The following GALNTL6 variants were observed in gnomAD, a reference collection of about 807,000 sequenced individuals.
GALNTL6 encodes polypeptide N-acetylgalactosaminyltransferase like 6, also known as polypeptide N-acetylgalactosaminyltransferase-like 6.
Under a neutral mutation model 73.7 loss-of-function variants are expected in GALNTL6, and 46 were observed. The observed-to-expected ratio is 0.62, with a 90% confidence interval of 0.49 to 0.80. The LOEUF is 0.80. Ranked by LOEUF, GALNTL6 falls within the 30% of genes least tolerant of loss-of-function variation. GALNTL6 has a pLI of 0.00. For synonymous variants in GALNTL6, 259 were observed against 263.7 expected (o/e 0.98, Z 0.17); for missense variants, 604 against 755.0 (o/e 0.80, Z 2.34).
chr4:172,406,737 C>A (rs1269652657), intron 5 of GALNTL6, among the ~76,000 whole-genome samples: 3 of 151,960 alleles, frequency 2.0e-5, no homozygotes, highest in East Asian at 1.9e-4. Flanking sequence ...GGCCTCTATC[C>A]AATTTTGTAT....
At chr4:172,302,964 A>G (rs1274982499) in intron 3 of GALNTL6, among the ~76,000 whole-genome samples, 2 of 151,902 alleles carry the variant, frequency 1.3e-5, no homozygotes, top group Non-Finnish European at 2.9e-5. Flanking sequence ...TAGGTTTTAT[A>G]TTAGACATTC....
chr4:172,549,401 G>A (rs1046686231), intron 5 of GALNTL6, among the ~76,000 whole-genome samples: 6 of 152,070 alleles, frequency 3.9e-5, no homozygotes, highest in Non-Finnish European at 5.9e-5. Context: ...ACTGCCTAAC[G>A]TGTGCCTTTT....
intron 3 of GALNTL6, among the ~76,000 whole-genome samples, chr4:172,250,177 A>G (rs1345202218): frequency 6.6e-6 from 1 of 152,124 alleles, no homozygotes; most frequent in East Asian, 1.9e-4. Flanking sequence ...ATGACCTTAC[A>G]TCAGTGTGAC....
chr4:171,914,646 C>A (rs1378575717), intron 2 of GALNTL6, among the ~76,000 whole-genome samples: 1 of 151,522 alleles, frequency 6.6e-6, no homozygotes, highest in Non-Finnish European at 1.5e-5. Flanking sequence ...AAACTCCTAA[C>A]CTCAGGCAAT....
chr4:173,034,704 T>G (rs1290673636), intron 12 of GALNTL6, among the ~76,000 whole-genome samples: 1 of 152,194 alleles, frequency 6.6e-6, no homozygotes, highest in African/African-American at 2.4e-5. Context: ...CTCAATTCAA[T>G]GTTCACACTG....
intron 2 of GALNTL6, among the ~76,000 whole-genome samples, chr4:172,128,938 G>A (rs1346427578): frequency 6.6e-6 from 1 of 152,150 alleles, no homozygotes; most frequent in African/African-American, 2.4e-5. Context: ...TGGCCTGTTT[G>A]ATTTGAAGGC....
chr4:172,177,862 T>TATATATGTGTATATATATACAC (rs1560955763), intron 2 of GALNTL6, among the ~76,000 whole-genome samples: 1 of 36,346 alleles, frequency 2.8e-5, no homozygotes, highest in Non-Finnish European at 1.1e-4. Flanking sequence ...TATACACACA[T>TATATATGTGTATATATATACAC]ACTAAGGCAT....
rs556461485 is a variant in GALNTL6 at position 172,246,054 on chromosome 4, A to G, written c.247+16290A>G. 1.7e-4 allele frequency among the ~76,000 whole-genome samples: 26 copies of G among 152,308 alleles called. 1 individual carries two copies. The South Asian group carries it at 5.0e-3, about 29-fold the overall frequency. ...AAGGAAAATTTATCTGCCAAAAAGT[A>G]TGAATAATAGACTTGCATTGTTTAT... On this transcript the variant is annotated intron_variant, in intron 3 of 12. Coordinates refer to ENST00000506823, the MANE Select transcript of GALNTL6 (RefSeq NM_001034845.3).
At chr4:172,441,789 T>A (rs1289347920) in intron 5 of GALNTL6, among the ~76,000 whole-genome samples, 7 of 152,124 alleles carry the variant, frequency 4.6e-5, no homozygotes, top group Non-Finnish European at 8.8e-5. Flanking sequence ...AATTTTCTAA[T>A]CTGTACATGA....
chr4:172,247,104 C>T (rs1022627970), intron 3 of GALNTL6, among the ~76,000 whole-genome samples: 3 of 152,158 alleles, frequency 2.0e-5, no homozygotes, highest in Admixed American at 6.6e-5. Flanking sequence ...CACATACAGG[C>T]CCTCTAGTCT....
At chr4:172,199,032 T>C (rs1053196056) in intron 2 of GALNTL6, among the ~76,000 whole-genome samples, 1 of 152,192 alleles carries the variant, frequency 6.6e-6, no homozygotes, top group Non-Finnish European at 1.5e-5. Flanking sequence ...TACACTGTGC[T>C]GTAACCAAAG....
At chr4:172,617,626 G>A (rs531110916) in intron 5 of GALNTL6, among the ~76,000 whole-genome samples, 18 of 151,436 alleles carry the variant, frequency 1.2e-4, no homozygotes, top group Non-Finnish European at 1.9e-4. Context: ...ACAGGCGCCC[G>A]CCACCACGCC....
intron 5 of GALNTL6, among the ~76,000 whole-genome samples, chr4:172,378,352 A>G (rs1043792511): frequency 2.6e-5 from 4 of 152,196 alleles, no homozygotes; most frequent in Non-Finnish European, 4.4e-5. Flanking sequence ...TGTTCAGGAA[A>G]TGAAATATAA....
intron 3 of GALNTL6, among the ~76,000 whole-genome samples, chr4:172,301,395 G>C (rs1028611132): frequency 2.6e-5 from 4 of 152,164 alleles, no homozygotes; most frequent in African/African-American, 9.7e-5. Flanking sequence ...GTCCAGCTTT[G>C]TTCCATTGCT....
chr4:171,870,460 A>T (rs1172114220), intron 2 of GALNTL6, among the ~76,000 whole-genome samples: 1 of 152,200 alleles, frequency 6.6e-6, no homozygotes, highest in African/African-American at 2.4e-5. Flanking sequence ...TCTAGCTTGA[A>T]CTACTATGGC....
At chr4:172,835,339 A>T (rs1239175581) in intron 7 of GALNTL6, among the ~76,000 whole-genome samples, 2 of 152,238 alleles carry the variant, frequency 1.3e-5, no homozygotes, top group African/African-American at 4.8e-5. Flanking sequence ...ACCTCGAAGG[A>T]TGAGGAGGTT....
chr4:172,284,680 G>T (rs767603817), intron 3 of GALNTL6, among the ~76,000 whole-genome samples: 5 of 151,976 alleles, frequency 3.3e-5, no homozygotes, highest in Admixed American at 6.6e-5. Flanking sequence ...GAGAGATTTG[G>T]GTCTGTTTTC....
intron 2 of GALNTL6, among the ~76,000 whole-genome samples, chr4:172,094,647 T>C (rs996758059): frequency 2.0e-5 from 3 of 152,232 alleles, no homozygotes; most frequent in African/African-American, 7.2e-5. Flanking sequence ...TATTTATTAA[T>C]TTGCTACCCA....
At chr4:172,406,710 A>C (rs1744250198) in intron 5 of GALNTL6, among the ~76,000 whole-genome samples, 1 of 152,028 alleles carries the variant, frequency 6.6e-6, no homozygotes. Context: ...TACTAGGCTA[A>C]ATTTGTCATA....
Sources: gnomAD v4.1 joint callset for allele counts (sites outside exome capture counted in the v4.1 genomes callset) on GRCh38, gnomAD v4.1.1 for gene constraint, MANE v1.5 for transcripts, NCBI Gene and HGNC (gene_info 2026-07-23, HGNC 2026-07-21) for gene names.